The following SLC12A6 variants were observed in gnomAD, a reference collection of about 807,000 sequenced individuals.
SLC12A6 encodes the protein K-Cl cotransporter 3.
Under a neutral mutation model 135.3 loss-of-function variants are expected in SLC12A6, and 66 were observed. The ratio of observed to expected loss-of-function variants is 0.49; its 90% CI spans 0.40 to 0.60. The LOEUF (loss-of-function observed/expected upper bound fraction) is 0.60. Ranked by LOEUF, SLC12A6 falls within the 20% of genes least tolerant of loss-of-function variation. The pLI, the probability that SLC12A6 is intolerant of heterozygous loss-of-function variation, is 0.00. For synonymous variants in SLC12A6, 513 were observed against 508.8 expected, an observed-to-expected ratio of 1.01 and a Z score of -0.11; for missense variants, 1,058 against 1,452.3, an observed-to-expected ratio of 0.73 and a Z score of 4.41.
chr15:34,275,287 A>C, intron 3 of SLC12A6, 58 bp downstream of exon 3: 1 of 855,744 alleles, frequency 1.2e-6, no homozygotes, highest in Admixed American at 1.7e-5. Context: ...AATGTCTGTT[A>C]GGATAAATGA....
chr15:34,271,106 A>T (rs1188494140), intron 3 of SLC12A6, among the ~76,000 whole-genome samples: 1 of 152,196 alleles, frequency 6.6e-6, no homozygotes, highest in East Asian at 1.9e-4. Flanking sequence ...AGTCAAGATG[A>T]GTGGGGGGAG....
At chr15:34,301,635 T>C (rs965297099) in intron 2 of SLC12A6, among the ~76,000 whole-genome samples, 12 of 152,272 alleles carry the variant, frequency 7.9e-5, no homozygotes, top group South Asian at 2.1e-4. Flanking sequence ...CCTGAAGAAA[T>C]TGTATGTGAA....
intron 2 of SLC12A6, among the ~76,000 whole-genome samples, chr15:34,323,715 C>T (rs544360180): frequency 8.5e-5 from 13 of 152,168 alleles, no homozygotes; most frequent in Non-Finnish European, 1.5e-4. Context: ...CTTTTGGGGG[C>T]CAAAGTGGAA....
chr15:34,330,210 C>A (rs1889746082), intron 2 of SLC12A6, among the ~76,000 whole-genome samples: 1 of 152,128 alleles, frequency 6.6e-6, no homozygotes, highest in Middle Eastern at 3.2e-3. Flanking sequence ...CTTTCCCTCT[C>A]TTCCCATCAC....
At chr15:34,263,513 C>T (rs982347339) in intron 3 of SLC12A6, among the ~76,000 whole-genome samples, 15 of 151,634 alleles carry the variant, frequency 9.9e-5, no homozygotes, top group African/African-American at 3.6e-4. Flanking sequence ...TTAAAAGAGG[C>T]ATCTGACAAA....
intron 18 of SLC12A6, 33 bp from the exon 19 acceptor site, chr15:34,240,862 G>A (rs202012265): frequency 3.2e-5 from 51 of 1,579,378 alleles, no homozygotes; most frequent in African/African-American, 4.0e-5. Context: ...TGGAGGGGAG[G>A]AGAAAACATT....
chr15:34,278,244 T>C (rs902995342), intron 2 of SLC12A6, among the ~76,000 whole-genome samples: 5 of 151,850 alleles, frequency 3.3e-5, no homozygotes, highest in Non-Finnish European at 5.9e-5. Context: ...CTGACCAACA[T>C]AGAGAAATGC....
intron 2 of SLC12A6, among the ~76,000 whole-genome samples, chr15:34,322,377 GA>G (rs201300597): frequency 1.4e-5 from 2 of 143,206 alleles, no homozygotes; most frequent in African/African-American, 5.2e-5. Flanking sequence ...ACTCTATCTC[GA>G]AAAAAAAACA....
Position 34,233,675 on chromosome 15 carries a change from G to A in SLC12A6, c.*206C>T, listed in dbSNP as rs187536136. The A allele has an allele frequency of 1.7e-5, 10 of 574,846 alleles. No homozygotes were observed. The highest frequency in any genetic ancestry group is 2.5e-5 in the Non-Finnish European group (8 of 317,206). 35.6% of individuals were successfully genotyped at this position (574,846 alleles called of 1,614,324 possible). ...ACTTGAGCATTGTTCTGATGTTGAG[G>A]GAATATTTGCTTTTTCTGTAATGAC... On this transcript the variant is annotated 3_prime_UTR_variant, in exon 26 of 26. Transcript: ENST00000354181.
chr15:34,282,243 T>C (rs996191963), intron 2 of SLC12A6, among the ~76,000 whole-genome samples: 2 of 152,210 alleles, frequency 1.3e-5, no homozygotes, highest in East Asian at 1.9e-4. Context: ...ATCTATTTAA[T>C]AGATAAGTAG....
At chr15:34,311,519 T>C (rs757936054) in intron 2 of SLC12A6, among the ~76,000 whole-genome samples, 3 of 152,196 alleles carry the variant, frequency 2.0e-5, no homozygotes, top group Non-Finnish European at 2.9e-5. Flanking sequence ...CATTAAGATA[T>C]AAAGTAATCT....
At chr15:34,258,973 A>T (rs1314094877) in intron 4 of SLC12A6, 29 bp from the exon 5 acceptor site, 1 of 1,578,968 alleles carries the variant, frequency 6.3e-7, no homozygotes, top group South Asian at 1.1e-5. Context: ...GGAAGAAATG[A>T]GCTACAAAGA....
At chr15:34,312,093 T>C (rs1888299113) in intron 2 of SLC12A6, among the ~76,000 whole-genome samples, 1 of 151,972 alleles carries the variant, frequency 6.6e-6, no homozygotes, top group African/African-American at 2.4e-5. Flanking sequence ...GTAAAGCAGG[T>C]GCTGTTATTC....
intron 2 of SLC12A6, 77 bp downstream of exon 2, chr15:34,336,333 C>A (rs1346477144): frequency 2.6e-6 from 3 of 1,149,254 alleles, no homozygotes; most frequent in African/African-American, 3.1e-5. Context: ...TGATTATGAT[C>A]TTCCAGATCC....
intron 2 of SLC12A6, among the ~76,000 whole-genome samples, chr15:34,335,741 T>C (rs992084549): frequency 2.0e-5 from 3 of 152,204 alleles, no homozygotes; most frequent in African/African-American, 7.2e-5. Context: ...GCTTGTGTGC[T>C]ACCTGCTAAC....
chr15:34,238,082 A>G, intron 21 of SLC12A6, 150 bp downstream of exon 21: 1 of 674,676 alleles, frequency 1.5e-6, no homozygotes, highest in South Asian at 1.6e-5. Context: ...CTCTTGTTTG[A>G]AAGTGGGATC....
chr15:34,235,631 T>C (rs1891209439), intron 24 of SLC12A6, among the ~76,000 whole-genome samples: 1 of 151,894 alleles, frequency 6.6e-6, no homozygotes, highest in African/African-American at 2.4e-5. Context: ...AAAAACAGGG[T>C]TTCACCATGT....
intron 3 of SLC12A6, among the ~76,000 whole-genome samples, chr15:34,268,747 AT>A (rs2140846757): frequency 6.6e-6 from 1 of 152,214 alleles, no homozygotes; most frequent in East Asian, 1.9e-4. Context: ...CTCTTTTAGG[AT>A]TATTCAGAAT....
rs373010679 is a variant in SLC12A6, at chr15:34,245,311, C to G, written c.1917G>C (p.Leu639=). 3 of 1,603,364 alleles carry G rather than the reference C, an allele frequency of 1.9e-6. No homozygotes were observed. Among genetic ancestry groups the G allele is most frequent in the Non-Finnish European group, 2.6e-6 (3 of 1,170,294 alleles). The part of the protein sequence containing the change: ...IAELGILIAS[L]DLVAPILSMF... ...TGGAAAGAATTGGGGCCACAAGATC[C>G]AGGGAGGCAATGAGTATTCCAAGCT... Residue 639 remains leucine (L), a synonymous_variant, in exon 15 of 26, where the codon CTG becomes CTC. Transcript: ENST00000354181.
Sources: gnomAD v4.1 joint callset for allele counts (sites outside exome capture counted in the v4.1 genomes callset) on GRCh38, gnomAD v4.1.1 for gene constraint, MANE v1.5 for transcripts, NCBI Gene and HGNC (gene_info 2026-07-23, HGNC 2026-07-21) for gene names.